The following MYO18B variants were observed in gnomAD, a reference collection of about 807,000 sequenced individuals.
MYO18B encodes the protein myosin XVIIIB, also known as unconventional myosin-XVIIIb.
In MYO18B, 204 loss-of-function variants were observed where a neutral mutation model predicts 273.0. That is an observed-to-expected ratio of 0.75 (90% CI 0.67 to 0.84). The LOEUF is 0.84. Among genes scored for constraint, MYO18B ranks in the 40% least tolerant of loss-of-function variants. The pLI is 0.00. For synonymous variants in MYO18B, 1,330 were observed against 1,305.7 expected, an observed-to-expected ratio of 1.02 and a Z score of -0.40; for missense variants, 3,212 against 3,287.6, an observed-to-expected ratio of 0.98 and a Z score of 0.56.
In MYO18B at chr22:26,028,874, C is replaced by T. The variant is rs559319922; in HGVS notation, c.*12+1184C>T. ...CTGCACTCCAGCCTGGGCGACAGAG[C>T]GAGACTCCGTCTCAAAAAAAAAAAA... On this transcript the variant is annotated intron_variant, in intron 43 of 43. Coordinates refer to ENST00000335473, the MANE Select transcript of MYO18B (RefSeq NM_032608.7). Among the ~76,000 whole-genome samples the T allele has an allele frequency of 2.0e-4, 26 of 131,922 alleles. 1 individual carries two copies. In the South Asian group the frequency reaches 3.3e-3, roughly 17 times the overall value. 86.5% of individuals were successfully genotyped at this position (131,922 alleles called of 152,430 possible).
At position 25,785,309 on chromosome 22, in the gene MYO18B, A is replaced by G. The variant is rs917176564; in HGVS notation, c.2313-119A>G. 16 of 863,942 alleles carry G rather than the reference A, an allele frequency of 1.9e-5. 1 individual carries two copies. Among genetic ancestry groups the G allele is most frequent in the African/African-American group, 1.4e-4 (8 of 59,228 alleles). The allele number at this position is 863,942 out of a possible 1,614,324, so 53.5% of individuals were successfully genotyped here. The stretch of plus-strand genomic sequence containing the variant: ...AGTTAGTGGGGCCAAGGCCAGGGAC[A>G]GGGACAGCCCCTGGGGTGTCCGGGC... On this transcript the variant is annotated intron_variant, in intron 10 of 43. Transcript: ENST00000335473.
At chr22:25,832,137 C>T (rs2089729670) in intron 15 of MYO18B, among the ~76,000 whole-genome samples, 1 of 152,016 alleles carries the variant, frequency 6.6e-6, no homozygotes, top group African/African-American at 2.4e-5. Context: ...GAAACTTGAA[C>T]CCTTGTGCAG....
intron 20 of MYO18B, 44 bp from the exon 21 acceptor site, chr22:25,851,426 A>C (rs753817562): frequency 1.5e-6 from 2 of 1,375,804 alleles, no homozygotes; most frequent in Non-Finnish European, 2.0e-6. Context: ...GGGTCTTCTC[A>C]TCTGGACTCT....
At chr22:25,812,717 G>A (rs1210033661) in intron 12 of MYO18B, among the ~76,000 whole-genome samples, 1 of 152,192 alleles carries the variant, frequency 6.6e-6, no homozygotes, top group East Asian at 1.9e-4. Flanking sequence ...GAGCCAAGGA[G>A]TCACTTGCCC....
intron 25 of MYO18B, among the ~76,000 whole-genome samples, chr22:25,878,401 G>A (rs940631534): frequency 3.9e-5 from 6 of 152,120 alleles, no homozygotes; most frequent in Non-Finnish European, 8.8e-5. Context: ...GTTTATCAGG[G>A]CATAAAATGA....
At chr22:25,848,693 T>C (rs2090332393) in intron 20 of MYO18B, among the ~76,000 whole-genome samples, 1 of 152,178 alleles carries the variant, frequency 6.6e-6, no homozygotes, top group Non-Finnish European at 1.5e-5. Flanking sequence ...TCTTAGGAGT[T>C]GAGTTTGATC....
the MYO18B span, among the ~76,000 whole-genome samples, chr22:26,048,356 A>G: frequency 1.3e-5 from 2 of 152,184 alleles, no homozygotes; most frequent in Non-Finnish European, 2.9e-5. Flanking sequence ...GGAGTCCCAG[A>G]TTCCAAGTCC....
the MYO18B span, among the ~76,000 whole-genome samples, chr22:26,058,869 C>T: frequency 1.1e-4 from 16 of 152,200 alleles, no homozygotes; most frequent in Admixed American, 3.9e-4. Context: ...TTTATAATTA[C>T]GCAGCCTCAG....
intron 33 of MYO18B, among the ~76,000 whole-genome samples, chr22:25,915,929 T>A (rs1366328746): frequency 6.6e-6 from 1 of 152,214 alleles, no homozygotes; most frequent in Non-Finnish European, 1.5e-5. Context: ...TCTGAGACAA[T>A]TTTTTGTAAA....
intron 39 of MYO18B, 150 bp from the exon 40 acceptor site, chr22:25,992,213 C>A: frequency 1.1e-6 from 1 of 880,260 alleles, no homozygotes; most frequent in Non-Finnish European, 1.7e-6. Context: ...TAAATCTGTC[C>A]GCAGAGAGAG....
intron 1 of MYO18B, among the ~76,000 whole-genome samples, chr22:25,746,094 C>T (rs6004751): frequency 0.38 from 58,384 of 151,998 alleles, 13,053 homozygotes; most frequent in African/African-American, 0.62. Context: ...AAACAACATC[C>T]GTTGAGATAA....
chr22:25,997,978 C>A (rs5997019), intron 40 of MYO18B, among the ~76,000 whole-genome samples: 34 of 144,640 alleles, frequency 2.4e-4, no homozygotes, highest in South Asian at 1.1e-3. Context: ...CACACACACA[C>A]GAGAGAGAGA....
chr22:25,764,777 G>C (rs555678029), intron 3 of MYO18B, among the ~76,000 whole-genome samples: 1 of 152,354 alleles, frequency 6.6e-6, no homozygotes, highest in South Asian at 2.1e-4. Context: ...ACTGTGTGCT[G>C]TTTATCTCCA....
rs752562535 is a variant in MYO18B, at chr22:25,798,055, C to A, written c.2479C>A (p.Leu827Met). ...CGAGCAGCGGGCTGTTTGGCGGGTC[C>A]TGGCAGCCATCTACCACCTGGGTGC... ...ESEQRAVWRVLAAIYHLGAAG... is the reference protein window; with the variant it reads ...ESEQRAVWRVMAAIYHLGAAG... Residue 827 changes from leucine to methionine, a missense_variant, in exon 12 of 44, where the codon CTG becomes ATG. Coordinates refer to ENST00000335473, the MANE Select transcript of MYO18B (RefSeq NM_032608.7). The A allele has an allele frequency of 1.6e-5, 25 of 1,611,770 alleles. No homozygotes were observed. The highest frequency in any genetic ancestry group is 2.0e-5 in the Non-Finnish European group (24 of 1,178,108).
chr22:26,057,524 C>CTT, the MYO18B span, among the ~76,000 whole-genome samples: 49 of 137,096 alleles, frequency 3.6e-4, no homozygotes, highest in African/African-American at 6.3e-4. Flanking sequence ...TGCAAAGTCA[C>CTT]TTTTTTTTTT....
At chr22:25,933,844 C>T (rs554826663) in intron 34 of MYO18B, among the ~76,000 whole-genome samples, 3 of 152,290 alleles carry the variant, frequency 2.0e-5, no homozygotes, top group Non-Finnish European at 4.4e-5. Context: ...CTGTAGGGTG[C>T]ATAACTAGAA....
At chr22:25,879,348 CATA>C (rs1322857976) in intron 25 of MYO18B, among the ~76,000 whole-genome samples, 1 of 152,118 alleles carries the variant, frequency 6.6e-6, no homozygotes, top group African/African-American at 2.4e-5. Context: ...CTCTTGCAAA[CATA>C]ATGCCAAAGG....
chr22:25,799,382 C>T (rs149149339), intron 12 of MYO18B, among the ~76,000 whole-genome samples: 1 of 152,208 alleles, frequency 6.6e-6, no homozygotes, highest in Non-Finnish European at 1.5e-5. Flanking sequence ...CCTTTTTTGG[C>T]AATATAGAAG....
intron 12 of MYO18B, among the ~76,000 whole-genome samples, chr22:25,807,341 AT>A (rs977084611): frequency 6.6e-5 from 10 of 152,276 alleles, no homozygotes; most frequent in Non-Finnish European, 1.3e-4. Context: ...TGAAGTAAGA[AT>A]TCCAGCACTG....
Sources: gnomAD v4.1 joint callset for allele counts (sites outside exome capture counted in the v4.1 genomes callset) on GRCh38, gnomAD v4.1.1 for gene constraint, MANE v1.5 for transcripts, NCBI Gene and HGNC (gene_info 2026-07-23, HGNC 2026-07-21) for gene names.